Variants in WWTR1 observed in about 807,000 individuals in gnomAD.
WWTR1 encodes the protein WW domain-containing transcription regulator protein 1.
In WWTR1, 13 loss-of-function variants were observed where a neutral mutation model predicts 40.1. That is an observed-to-expected ratio of 0.32 (90% confidence interval 0.21 to 0.52). WWTR1 has a LOEUF of 0.52. WWTR1 is among the 20% of genes least tolerant of loss of function. The pLI, the probability that WWTR1 is intolerant of heterozygous loss-of-function variation, is 0.97. For synonymous variants in WWTR1, 230 were observed against 210.1 expected (o/e 1.09, Z -0.82); for missense variants, 436 against 523.1 (o/e 0.83, Z 1.63).
At chr3:149,691,787 T>G (rs981360812) in intron 1 of WWTR1, among the ~76,000 whole-genome samples, 2 of 151,776 alleles carry the variant, frequency 1.3e-5, no homozygotes, top group Admixed American at 1.3e-4. Flanking sequence ...GAGGCCGAGG[T>G]GGGTGGATCA....
At chr3:149,700,633 A>C (rs1253136726) in intron 1 of WWTR1, among the ~76,000 whole-genome samples, 1 of 150,704 alleles carries the variant, frequency 6.6e-6, no homozygotes. Flanking sequence ...TTGGAGCAAT[A>C]ACCAGGAAAC....
rs189682802 is a variant in WWTR1, at chr3:149,722,860, G to A, written n.459+1220C>T. Among the ~76,000 whole-genome samples the A allele has an allele frequency of 2.6e-5, 4 of 151,798 alleles. No homozygotes were observed. In the East Asian group the frequency reaches 7.8e-4, roughly 29 times the overall value. ...ATCTTCAGCTCCAGAATTTATTTTTGCTTTCTTTTTAGGTTTTCTATTTCT... is the reference window on the plus strand; with the variant it reads ...ATCTTCAGCTCCAGAATTTATTTTTACTTTCTTTTTAGGTTTTCTATTTCT... On this transcript the variant is annotated intron_variant and non_coding_transcript_variant, in intron 4 of 6. Transcript: ENST00000474080.
At chr3:149,629,223 T>A (rs1410037099) in intron 2 of WWTR1, among the ~76,000 whole-genome samples, 1 of 152,226 alleles carries the variant, frequency 6.6e-6, no homozygotes, top group Non-Finnish European at 1.5e-5. Context: ...TTAAAATAAA[T>A]ACTGTTGTTT....
chr3:149,550,362 G>T (rs1363442536), intron 3 of WWTR1, among the ~76,000 whole-genome samples: 1 of 152,102 alleles, frequency 6.6e-6, no homozygotes, highest in African/African-American at 2.4e-5. Context: ...TATTTTATTG[G>T]AAGATTTGTC....
chr3:149,710,854 C>T (rs1356668394), intron 5 of WWTR1, among the ~76,000 whole-genome samples: 1 of 152,084 alleles, frequency 6.6e-6, no homozygotes, highest in East Asian at 1.9e-4. Flanking sequence ...GCTGGGATTA[C>T]AGGCATGAGC....
rs1454984139 is a variant in WWTR1, at chr3:149,605,326, T to C, written c.432-32326A>G. On this transcript the variant is annotated intron_variant, in intron 2 of 6. Coordinates refer to ENST00000360632, the MANE Select transcript of WWTR1 (RefSeq NM_015472.6). ...AGGTAGGAGACCAGTTAGAAGACTA[T>C]TGCAGGAGCACAAGCAAAGGATGAC... Among the ~76,000 whole-genome samples the C allele has an allele frequency of 3.3e-5, 5 of 152,122 alleles. No individual in the cohort carries two copies. In the East Asian group the frequency reaches 9.7e-4, roughly 29 times the overall value.
intron 3 of WWTR1, among the ~76,000 whole-genome samples, chr3:149,552,746 T>G (rs775936315): frequency 1.3e-5 from 2 of 152,250 alleles, no homozygotes; most frequent in Non-Finnish European, 2.9e-5. Flanking sequence ...TAGAAGGGTC[T>G]TAGTCCATTT....
chr3:149,637,939 A>G (rs1711928501), intron 2 of WWTR1, among the ~76,000 whole-genome samples: 2 of 152,116 alleles, frequency 1.3e-5, no homozygotes, highest in African/African-American at 4.8e-5. Context: ...AGTGGCAACC[A>G]GGCACGGTGG....
intron 2 of WWTR1, among the ~76,000 whole-genome samples, chr3:149,643,389 G>A (rs1712298526): frequency 6.6e-6 from 1 of 152,152 alleles, no homozygotes; most frequent in South Asian, 2.1e-4. Context: ...TACAAATTGT[G>A]ACGAAGATTT....
At chr3:149,668,481 G>A (rs924196210) in intron 2 of WWTR1, among the ~76,000 whole-genome samples, 1 of 151,944 alleles carries the variant, frequency 6.6e-6, no homozygotes, top group African/African-American at 2.4e-5. Flanking sequence ...GGTGGCGGGC[G>A]CCTGTAATCC....
At chr3:149,718,529 G>A (rs545431277) in intron 4 of WWTR1, among the ~76,000 whole-genome samples, 36 of 152,254 alleles carry the variant, frequency 2.4e-4, no homozygotes, top group African/African-American at 8.7e-4. Context: ...CAGCTGAGTG[G>A]CATTCAGTAT....
At chr3:149,628,541 G>A (rs954179731) in intron 2 of WWTR1, among the ~76,000 whole-genome samples, 2 of 152,106 alleles carry the variant, frequency 1.3e-5, no homozygotes, top group Admixed American at 6.5e-5. Context: ...GCTAATTCTT[G>A]CCCCAGCAGT....
At chr3:149,548,021 G>C (rs1219794400) in intron 3 of WWTR1, among the ~76,000 whole-genome samples, 1 of 128,240 alleles carries the variant, frequency 7.8e-6, no homozygotes, top group Non-Finnish European at 1.6e-5. Flanking sequence ...TTCAATGACT[G>C]TGTCCTTGGT....
intron 2 of WWTR1, among the ~76,000 whole-genome samples, chr3:149,607,404 T>G (rs1739537293): frequency 6.6e-6 from 1 of 152,204 alleles, no homozygotes; most frequent in Admixed American, 6.5e-5. Flanking sequence ...AACCTCCACC[T>G]CCTGGATTCA....
chr3:149,646,358 C>T (rs912213428), intron 2 of WWTR1, among the ~76,000 whole-genome samples: 3 of 152,246 alleles, frequency 2.0e-5, no homozygotes, highest in African/African-American at 4.8e-5. Flanking sequence ...TGACTCACCA[C>T]ACAAGAGTGA....
At chr3:149,541,679 C>T (rs1472226509) in intron 4 of WWTR1, among the ~76,000 whole-genome samples, 1 of 151,890 alleles carries the variant, frequency 6.6e-6, no homozygotes, top group East Asian at 1.9e-4. Flanking sequence ...AGAGCTAGGC[C>T]CCAAGAAATT....
chr3:149,525,817 C>T lies in WWTR1; in HGVS notation c.1018+196G>A, dbSNP rs553235581. 8.0e-5 allele frequency: 30 copies of T among 372,790 alleles called. No homozygotes were observed. The East Asian group carries it at 1.2e-3, about 14-fold the overall frequency. 23.1% of individuals were successfully genotyped at this position (372,790 alleles called of 1,614,324 possible). A position where few individuals can be genotyped will look rare whatever the true frequency, so the allele number is the denominator to read the frequency against. On this transcript the variant is annotated intron_variant, in intron 6 of 6. Coordinates refer to ENST00000360632, the MANE Select transcript of WWTR1 (RefSeq NM_015472.6). ...AAACTATTGGGTACTATGCTCACTA[C>T]CTGGGTGACGAGAGCAATCGTATCC...
At chr3:149,544,633 GCCAAGA>G (rs1736285511) in intron 3 of WWTR1, among the ~76,000 whole-genome samples, 2 of 152,184 alleles carry the variant, frequency 1.3e-5, no homozygotes, top group Admixed American at 1.3e-4. Context: ...GGCAAGTAGA[GCCAAGA>G]CCAAAATCGA....
chr3:149,541,056 A>G (rs542453448), intron 4 of WWTR1: 12 of 456,552 alleles, frequency 2.6e-5, no homozygotes, highest in African/African-American at 2.2e-4. Flanking sequence ...GTTCTCTGGA[A>G]TGTTAAAACT....
Sources: gnomAD v4.1 joint callset for allele counts (sites outside exome capture counted in the v4.1 genomes callset) on GRCh38, gnomAD v4.1.1 for gene constraint, MANE v1.5 for transcripts, NCBI Gene and HGNC (gene_info 2026-07-23, HGNC 2026-07-21) for gene names.